The following FLCN variants were observed in gnomAD, a reference collection of about 807,000 sequenced individuals.
FLCN encodes the protein BHD skin lesion fibrofolliculoma protein.
In FLCN, 22 loss-of-function variants were observed where a neutral mutation model predicts 62.5. The observed-to-expected ratio is 0.35, with a 90% CI of 0.25 to 0.50. The LOEUF (loss-of-function observed/expected upper bound fraction) is 0.50, where lower values mean the gene tolerates loss of function less well. Ranked by LOEUF, FLCN falls within the 20% of genes least tolerant of loss-of-function variation. The probability of loss-of-function intolerance (pLI) is 0.97; values close to 1 mark genes in which losing one functional copy is unlikely to be tolerated. For synonymous variants in FLCN, 319 were observed against 310.0 expected (o/e 1.03, Z -0.30); for missense variants, 657 against 778.0 (o/e 0.84, Z 1.85).
At position 17,216,644 on chromosome 17, in the gene FLCN, C is replaced by T. The variant is rs1203427562; in HGVS notation, c.1177-141G>A. 2 of 1,370,394 alleles carry T rather than the reference C, an allele frequency of 1.5e-6. No homozygotes were observed. The highest frequency in any genetic ancestry group is 1.3e-5 in the South Asian group (1 of 77,478). 84.9% of individuals were successfully genotyped at this position (1,370,394 alleles called of 1,614,324 possible). A position where few individuals can be genotyped will look rare whatever the true frequency, so the allele number is the denominator to read the frequency against. ...CCTGCCAGAGGAGTCCCCAGACTCT[C>T]AGCCCACAGTGGGGGTGAGGGGGGA... On this transcript the variant is annotated intron_variant, in intron 10 of 13. Transcript: ENST00000285071. The surrounding 1 kb of genome is among the most constrained non-coding windows in gnomAD (Gnocchi z 4.0).
chr17:17,218,095 A>C (rs1218445459), intron 9 of FLCN, among the ~76,000 whole-genome samples: 1 of 152,234 alleles, frequency 6.6e-6, no homozygotes, highest in Non-Finnish European at 1.5e-5. Context: ...CTTCTAATGA[A>C]TCAGTGCTCA....
chr17:17,231,929 T>G (rs2145097670), intron 2 of FLCN, 47 bp from the exon 3 acceptor site: 1 of 153,386 alleles, frequency 6.5e-6, no homozygotes, highest in African/African-American at 2.4e-5. Flanking sequence ...GAAGAGAACC[T>G]TAGCTGGGCT....
At chr17:17,223,847 G>T in intron 6 of FLCN, 75 bp downstream of exon 6, 1 of 1,491,624 alleles carries the variant, frequency 6.7e-7, no homozygotes. Flanking sequence ...CGGTCTCCAG[G>T]CCTCAACCTC....
At position 17,222,678 on chromosome 17, in the gene FLCN, A is replaced by C. The variant is rs765236478; in HGVS notation, c.619-17T>G. The stretch of plus-strand genomic sequence containing the variant: ...CTCAAACACCTGAAATGCAAAGGGA[A>C]GGGATGGCCTCTTTAAGCCAAAGCT... On this transcript the variant is annotated splice_polypyrimidine_tract_variant and intron_variant, in intron 6 of 13. Transcript: ENST00000285071. The C allele has an allele frequency of 6.2e-7, 1 of 1,614,032 alleles. No individual in the cohort carries two copies. Among genetic ancestry groups the C allele is most frequent in the African/African-American group, 1.3e-5 (1 of 74,944 alleles).
At chr17:17,214,142 G>A (rs564162112) in intron 13 of FLCN, among the ~76,000 whole-genome samples, 2 of 151,964 alleles carry the variant, frequency 1.3e-5, no homozygotes, top group African/African-American at 2.4e-5. Context: ...AAGACGCCAA[G>A]AAGAAAGAAA....
In FLCN at chr17:17,216,930, C is replaced by T. The variant is rs1038145433; in HGVS notation, c.1176+139G>A. 68 of 722,608 alleles carry T rather than the reference C, an allele frequency of 9.4e-5. No individual in the cohort carries two copies. Among genetic ancestry groups the T allele is most frequent in the Non-Finnish European group, 1.7e-4 (68 of 401,024 alleles). The allele number at this position is 722,608 out of a possible 1,614,324, so 44.8% of individuals were successfully genotyped here. On this transcript the variant is annotated intron_variant, in intron 10 of 13. Coordinates refer to ENST00000285071, the MANE Select transcript of FLCN (RefSeq NM_144997.7). The surrounding 1 kb of genome is among the most constrained non-coding windows in gnomAD (Gnocchi z 4.0). ...CAGACCAGACCCGGGTCTCCGTGCC[C>T]ACTGCGCCCCCAGTGGAGACCGTGT...
chr17:17,214,518 C>T (rs1324194306), intron 13 of FLCN, among the ~76,000 whole-genome samples: 8 of 151,942 alleles, frequency 5.3e-5, no homozygotes, highest in African/African-American at 1.7e-4. Flanking sequence ...CGCTTGAACC[C>T]GGGAGGCGGA....
chr17:17,226,169 G>A lies in FLCN; in HGVS notation c.396+7C>T, dbSNP rs781155484. ...ACAGAGACAGGCTCTGTGGCCACAA[G>A]GCTCACCTCACAGCTCAGGCTCCGG... is the stretch of plus-strand genomic sequence containing the variant. On this transcript the variant is annotated splice_region_variant and intron_variant, in intron 5 of 13. Coordinates refer to ENST00000285071, the MANE Select transcript of FLCN (RefSeq NM_144997.7). 50 of 1,613,894 alleles carry A rather than the reference G, an allele frequency of 3.1e-5. No individual in the cohort carries two copies. The Middle Eastern group carries it at 4.9e-4, about 16-fold the overall frequency.
chr17:17,217,388 G>A (rs868422349), intron 9 of FLCN: 8 of 609,012 alleles, frequency 1.3e-5, no homozygotes, highest in Admixed American at 2.8e-5. Flanking sequence ...ATAAATGCTA[G>A]ATTCCAAAGC....
rs1338331804 is a variant in FLCN, at chr17:17,216,172, C to T, written c.1300+208G>A. 2.0e-5 allele frequency among the ~76,000 whole-genome samples: 3 copies of T among 152,210 alleles called. No homozygotes were observed. Among genetic ancestry groups the T allele is most frequent in the African/African-American group, 7.2e-5 (3 of 41,454 alleles). ...TGACCTGCAGCCCACTGACGACAGT[C>T]CCTGCCAGCCAACCTTCCCATCAGG... On this transcript the variant is annotated intron_variant, in intron 11 of 13. Coordinates refer to ENST00000285071, the MANE Select transcript of FLCN (RefSeq NM_144997.7). This position sits in a 1 kb window ranked among gnomAD's most constrained non-coding sequence, Gnocchi z 4.0.
In FLCN at chr17:17,235,109, CAAA is replaced by C. The variant is rs34695824; in HGVS notation, c.-228+1800_-228+1802del. ...TGGGCCACAGAGCAAGACTCCATTT[CAAA>C]AAAAAAAAAAAAAAAAAAGCCAGGC... On this transcript the variant is annotated intron_variant, in intron 1 of 13. Coordinates refer to ENST00000285071, the MANE Select transcript of FLCN (RefSeq NM_144997.7). 2.9e-3 allele frequency among the ~76,000 whole-genome samples: 207 copies of C among 70,586 alleles called. 4 individuals are homozygous for C. The Admixed American group carries it at 0.029, about 10-fold the overall frequency. 46.3% of individuals were successfully genotyped at this position (70,586 alleles called of 152,430 possible).
chr17:17,233,379 G>C (rs11078378), intron 1 of FLCN, among the ~76,000 whole-genome samples: 118,239 of 151,660 alleles, frequency 0.78, 46,262 homozygotes, highest in East Asian at 0.85. Flanking sequence ...GGGCAGATCA[G>C]GAGGTCAGGA....
chr17:17,232,056 G>T (rs1178885639), intron 2 of FLCN, among the ~76,000 whole-genome samples, 174 bp from the exon 3 acceptor site: 2 of 152,220 alleles, frequency 1.3e-5, no homozygotes, highest in African/African-American at 2.4e-5. Context: ...CAGCGGGAGA[G>T]GAAACATACG....
At position 17,221,647 on chromosome 17, in the gene FLCN, G is replaced by A. The variant is rs897314058; in HGVS notation, c.780-19C>T. ...CAGGAGCCTGGAGAACACAGCACCAGCTATGAGCGTTCTCGCCAAAGGAAA... is the reference window on the plus strand; with the variant it reads ...CAGGAGCCTGGAGAACACAGCACCAACTATGAGCGTTCTCGCCAAAGGAAA... On this transcript the variant is annotated intron_variant, in intron 7 of 13. Coordinates refer to ENST00000285071, the MANE Select transcript of FLCN (RefSeq NM_144997.7). The A allele has an allele frequency of 6.2e-7, 1 of 1,604,106 alleles. No individual in the cohort carries two copies. The highest frequency in any genetic ancestry group is 2.2e-5 in the East Asian group (1 of 44,836).
intron 8 of FLCN, 34 bp from the exon 9 acceptor site, chr17:17,219,243 C>G: frequency 6.2e-7 from 1 of 1,606,956 alleles, no homozygotes; most frequent in Non-Finnish European, 8.5e-7. Flanking sequence ...GTTACAGATA[C>G]AAACAGTCTC....
At chr17:17,221,143 T>C in intron 8 of FLCN, 2 of 1,415,750 alleles carry the variant, frequency 1.4e-6, no homozygotes, top group Non-Finnish European at 9.2e-7. Context: ...AGGGAACCAC[T>C]GCCCTTCATG....
At position 17,228,129 on chromosome 17, in the gene FLCN, G is replaced by A. The variant is rs1555611576; in HGVS notation, c.9C>T (p.Ala3=). The change falls in exon 4 of 14, where the codon GCC becomes GCT. Residue 3 remains alanine (A), a synonymous_variant. Coordinates refer to ENST00000285071, the MANE Select transcript of FLCN (RefSeq NM_144997.7). Reference sequence around the variant, plus strand: ...CGCAGAAGTGGCAGAGAGCCACGATGGCATTCATGGTGCCTTGGAGACTGC... The same window carrying A: ...CGCAGAAGTGGCAGAGAGCCACGATAGCATTCATGGTGCCTTGGAGACTGC... MN[A]IVALCHFCEL... 2 of 1,612,814 alleles carry A rather than the reference G, an allele frequency of 1.2e-6. No homozygotes were observed. Among genetic ancestry groups the A allele is most frequent in the South Asian group, 2.2e-5 (2 of 91,080 alleles).
At chr17:17,223,541 CGACCT>C (rs2047156838) in intron 6 of FLCN, among the ~76,000 whole-genome samples, 1 of 152,240 alleles carries the variant, frequency 6.6e-6, no homozygotes, top group South Asian at 2.1e-4. Context: ...TACCAGAGCA[CGACCT>C]GGCCTGGCCT....
At chr17:17,226,042 G>A (rs2145007506) in intron 5 of FLCN, 134 bp downstream of exon 5, 2 of 1,257,234 alleles carry the variant, frequency 1.6e-6, no homozygotes, top group Middle Eastern at 3.7e-4. Flanking sequence ...ACCCTGTGCT[G>A]TGCTGATCTG....
Sources: allele counts gnomAD v4.1 joint callset (sites outside exome capture counted in the v4.1 genomes callset), GRCh38; gene constraint gnomAD v4.1.1; non-coding constraint Gnocchi (gnomAD v3.1); transcripts MANE v1.5; gene names NCBI Gene and HGNC (gene_info 2026-07-23, HGNC 2026-07-21).